CDHR2: variants seen among roughly 807,000 people sequenced by gnomAD.
CDHR2 encodes cadherin-related family member 2.
CDHR2 carries 104 observed loss-of-function variants against 138.6 expected under a neutral mutation model. The ratio of observed to expected loss-of-function variants is 0.75; its 90% CI spans 0.64 to 0.88. CDHR2 has a LOEUF of 0.88. Among genes scored for constraint, CDHR2 ranks in the 40% least tolerant of loss-of-function variants. The probability of loss-of-function intolerance (pLI) is 0.00; values close to 1 mark genes in which losing one functional copy is unlikely to be tolerated. For missense variants in CDHR2, 1,624 were observed against 1,727.6 expected, an observed-to-expected ratio of 0.94 and a Z score of 1.06; for synonymous variants, 755 against 742.8, an observed-to-expected ratio of 1.02 and a Z score of -0.27.
At position 176,590,594 on chromosome 5, in the gene CDHR2, C is replaced by T. The variant is rs752707658; in HGVS notation, c.3446C>T (p.Ser1149Leu). Residue 1149 changes from serine to leucine, a missense_variant, in exon 28 of 32, where the codon TCG becomes TTG. Physicochemically the swap from Ser to Leu is moderately radical, Grantham distance 145 (BLOSUM62 -2). Transcript: ENST00000261944. ...GSQESQESDL[S>L]KQLISVIIGL... ...CAGGAGAGCCAGGAGTCAGACCTGT[C>T]GAAACAGCTCATCAGTGTCATCATA... 1.8e-5 allele frequency: 29 copies of T among 1,613,864 alleles called. No homozygotes were observed. Among genetic ancestry groups the T allele is most frequent in the Admixed American group, 1.2e-4 (7 of 60,000 alleles).
At position 176,585,029 on chromosome 5, in the gene CDHR2, T is replaced by C. The variant is rs1180383665; in HGVS notation, c.2734+14T>C. On this transcript the variant is annotated intron_variant, in intron 19 of 31. Transcript: ENST00000261944. ...ACAGCAACAATGGTAAGGCAGCCTG[T>C]CCTTGCAGGGCTTGGCAGGCCATAG... is the stretch of plus-strand genomic sequence containing the variant. 1.3e-6 allele frequency: 2 copies of C among 1,535,982 alleles called. No individual in the cohort carries two copies. The highest frequency in any genetic ancestry group is 3.9e-5 in the Admixed American group (2 of 50,742).
chr5:176,586,907 C>A, intron 21 of CDHR2, 65 bp downstream of exon 21: 1 of 1,379,702 alleles, frequency 7.2e-7, no homozygotes, highest in Non-Finnish European at 1.0e-6. Context: ...CTGAGGCCTT[C>A]AGGCCTTCCA....
At chr5:176,579,557 A>C (rs576608056) in intron 16 of CDHR2, among the ~76,000 whole-genome samples, 1 of 152,140 alleles carries the variant, frequency 6.6e-6, no homozygotes, top group Non-Finnish European at 1.5e-5. Context: ...GGTGCCCAGC[A>C]TGAGCCCCAG....
At chr5:176,566,414 C>T (rs573272017) in intron 3 of CDHR2, among the ~76,000 whole-genome samples, 34 of 152,320 alleles carry the variant, frequency 2.2e-4, no homozygotes, top group African/African-American at 7.9e-4. Flanking sequence ...GCCTAGATAC[C>T]ACATTCCCAG....
chr5:176,571,090 G>C, intron 5 of CDHR2, 123 bp from the exon 6 acceptor site: 1 of 323,732 alleles, frequency 3.1e-6, no homozygotes, highest in Non-Finnish European at 6.0e-6. Context: ...CATATGGAGA[G>C]AAAGAGAGAC....
rs949599182 is a variant in CDHR2 at position 176,543,525 on chromosome 5, G to T, written c.-16+756G>T. On this transcript the variant is annotated intron_variant, in intron 1 of 31. Coordinates refer to the CDHR2 transcript ENST00000510636. The surrounding 1 kb of genome is among the most constrained non-coding windows in gnomAD (Gnocchi z 4.0). ...GTGCGGGGCGGAGCCTCTTTCGGCCGCGCCCGCCCAGCGTCAGTCGGCCAG... is the reference window on the plus strand; with the variant it reads ...GTGCGGGGCGGAGCCTCTTTCGGCCTCGCCCGCCCAGCGTCAGTCGGCCAG... 1 of 152,172 alleles carries T rather than the reference G, an allele frequency of 6.6e-6. No individual in the cohort carries two copies. The highest frequency in any genetic ancestry group is 1.9e-4 in the East Asian group (1 of 5,182). 9.4% of individuals were successfully genotyped at this position (152,172 alleles called of 1,614,324 possible).
chr5:176,560,146 C>A lies in CDHR2; in HGVS notation c.-15-5192C>A, dbSNP rs549505006. On this transcript the variant is annotated intron_variant, in intron 1 of 31. Coordinates refer to ENST00000261944, the MANE Select transcript of CDHR2 (RefSeq NM_017675.6). Reference sequence around the variant, plus strand: ...GCGCAGTGGCTCACGCCTGTAATCCCAGCAATTTGGGAGACCGAGGCGGGC... The same window carrying A: ...GCGCAGTGGCTCACGCCTGTAATCCAAGCAATTTGGGAGACCGAGGCGGGC... Among the ~76,000 whole-genome samples, 32 of 152,336 alleles carry A rather than the reference C, an allele frequency of 2.1e-4. No homozygotes were observed. In the South Asian group the frequency reaches 4.6e-3, roughly 22 times the overall value.
intron 1 of CDHR2, among the ~76,000 whole-genome samples, chr5:176,552,067 G>A (rs559280156): frequency 6.6e-6 from 1 of 152,348 alleles, no homozygotes; most frequent in South Asian, 2.1e-4. Context: ...GTACGGTTGT[G>A]CAGTGACTGG....
chr5:176,578,313 C>A (rs2113303590), intron 15 of CDHR2, 52 bp from the exon 16 acceptor site: 2 of 1,538,454 alleles, frequency 1.3e-6, no homozygotes, highest in Non-Finnish European at 8.9e-7. Context: ...GAAATTCACA[C>A]TGAAATGGGC....
At chr5:176,574,203 G>A (rs751093184) in intron 7 of CDHR2, 31 bp downstream of exon 7, 24 of 1,507,202 alleles carry the variant, frequency 1.6e-5, no homozygotes, top group Non-Finnish European at 2.2e-5. Context: ...GACCGCCTTT[G>A]TGACCGCCAG....
At chr5:176,567,594 C>A (rs1319539770) in intron 3 of CDHR2, among the ~76,000 whole-genome samples, 1 of 152,146 alleles carries the variant, frequency 6.6e-6, no homozygotes, top group African/African-American at 2.4e-5. Flanking sequence ...CGGGTTCAAG[C>A]AATTCTCCTG....
chr5:176,576,341 T>G lies in CDHR2; in HGVS notation c.1194+156T>G, dbSNP rs1758382156. On this transcript the variant is annotated intron_variant, in intron 12 of 31. Transcript: ENST00000261944. The surrounding 1 kb of genome is among the most constrained non-coding windows in gnomAD (Gnocchi z 4.5). ...GTGCTGGGTGCTCTCTGGAAGCCTG[T>G]GTTGGTAAGCAGTATCATCCTCTGG... Among the ~76,000 whole-genome samples the G allele has an allele frequency of 6.6e-6, 1 of 151,952 alleles. No individual in the cohort carries two copies. Among genetic ancestry groups the G allele is most frequent in the Non-Finnish European group, 1.5e-5 (1 of 67,964 alleles).
chr5:176,575,929 C>T (rs1299688142), intron 11 of CDHR2, 23 bp from the exon 12 acceptor site: 3 of 1,601,592 alleles, frequency 1.9e-6, no homozygotes, highest in Non-Finnish European at 2.6e-6. Context: ...TCTCTGCCCT[C>T]TGCCCTCTGC....
intron 1 of CDHR2, among the ~76,000 whole-genome samples, chr5:176,549,970 A>T (rs559070054): frequency 4.6e-5 from 7 of 152,328 alleles, no homozygotes; most frequent in African/African-American, 1.7e-4. Context: ...AGCCAGTGCT[A>T]GGAAGTGTCA....
In CDHR2 at chr5:176,584,731, G is replaced by C. The variant is rs772885651; in HGVS notation, c.2450G>C (p.Arg817Pro). The C allele has an allele frequency of 1.2e-6, 2 of 1,614,192 alleles. No individual in the cohort carries two copies. Among genetic ancestry groups the C allele is most frequent in the East Asian group, 2.2e-5 (1 of 44,882 alleles). Reference sequence around the variant, plus strand: ...GATGTAGCCTCACTCCGGGGCATCCGTGTGGCTGAGAATGGCTCACAGCAC... The same window carrying C: ...GATGTAGCCTCACTCCGGGGCATCCCTGTGGCTGAGAATGGCTCACAGCAC... ...TLDVASLRGIRVAENGSQHGQ... is the reference protein window; with the variant it reads ...TLDVASLRGIPVAENGSQHGQ... Residue 817 changes from arginine (R) to proline (P), a missense_variant, in exon 19 of 32, where the codon CGT becomes CCT. By Grantham distance (103) the Arg-to-Pro change is moderately radical. Coordinates refer to ENST00000261944, the MANE Select transcript of CDHR2 (RefSeq NM_017675.6).
At chr5:176,567,752 C>T (rs1157775891) in intron 3 of CDHR2, among the ~76,000 whole-genome samples, 1 of 152,198 alleles carries the variant, frequency 6.6e-6, no homozygotes, top group Non-Finnish European at 1.5e-5. Context: ...CTCCACCTCT[C>T]AAAGTGCTGG....
In CDHR2 at chr5:176,557,697, T is replaced by G. The variant is rs571154941; in HGVS notation, c.-15-7641T>G. The stretch of plus-strand genomic sequence containing the variant: ...ATCTGTTGATTTTTTTTTCTTTCTT[T>G]CTTTCTTTCTTTCTTTTTTTTTTAT... On this transcript the variant is annotated intron_variant, in intron 1 of 31. Transcript: ENST00000261944. Among the ~76,000 whole-genome samples, 1,410 of 146,880 alleles carry G rather than the reference T, an allele frequency of 9.6e-3. 31 individuals carry two copies. The highest frequency in any genetic ancestry group is 0.05 in the East Asian group (257 of 5,108).
At chr5:176,568,027 C>T (rs775094624) in intron 3 of CDHR2, among the ~76,000 whole-genome samples, 7 of 152,312 alleles carry the variant, frequency 4.6e-5, no homozygotes, top group South Asian at 4.2e-4. Context: ...AGCCCTGTGG[C>T]GGAGCTCCAG....
chr5:176,570,883 G>A (rs62404685), intron 5 of CDHR2, among the ~76,000 whole-genome samples: 27,577 of 151,138 alleles, frequency 0.18, 3,051 homozygotes, highest in East Asian at 0.48. Context: ...CCTGGGAGGC[G>A]GAGGTTGCAT....
Sources: allele counts gnomAD v4.1 joint callset (sites outside exome capture counted in the v4.1 genomes callset), GRCh38; gene constraint gnomAD v4.1.1; non-coding constraint Gnocchi (gnomAD v3.1); transcripts MANE v1.5; gene names NCBI Gene and HGNC (gene_info 2026-07-23, HGNC 2026-07-21).